MCF2L: variants seen among roughly 807,000 people sequenced by gnomAD.
MCF2L encodes MCF.2 cell line derived transforming sequence like.
A neutral mutation model predicts 153.4 loss-of-function variants in MCF2L; 97 were observed. The ratio of observed to expected loss-of-function variants is 0.63; its 90% CI spans 0.54 to 0.75. The LOEUF is 0.75. Ranked by LOEUF, MCF2L falls within the 30% of genes least tolerant of loss-of-function variation. MCF2L has a pLI of 0.00. For synonymous variants in MCF2L, 659 were observed against 632.2 expected (o/e 1.04, Z -0.64); for missense variants, 1,347 against 1,495.2 (o/e 0.90, Z 1.64).
At chr13:113,049,290 C>T (rs895155130) in intron 4 of MCF2L, among the ~76,000 whole-genome samples, 1 of 150,960 alleles carries the variant, frequency 6.6e-6, no homozygotes. Context: ...GTGGACCCAG[C>T]CAAGCCTAGG....
In MCF2L at chr13:113,075,102, G is replaced by A. The variant is rs763703403; in HGVS notation, c.1221G>A (p.Arg407=). 2 of 1,613,656 alleles carry A rather than the reference G, an allele frequency of 1.2e-6. No individual in the cohort carries two copies. The highest frequency in any genetic ancestry group is 1.1e-5 in the South Asian group (1 of 91,088). ...DSIRPKCQEL[R]HLCDQFSAEI... is the part of the protein sequence containing the mutation. ...TCCGCCCAAAGTGCCAGGAGCTCCG[G>A]CACCTCTGTGACCAGTTCTCTGCGG... The change falls in exon 11 of 30, where the codon CGG becomes CGA. Residue 407 remains arginine (R), a synonymous_variant. Transcript: ENST00000535094.
chr13:113,077,175 C>T lies in MCF2L; in HGVS notation c.1624C>T (p.Pro542Ser). The T allele has an allele frequency of 1.2e-6, 2 of 1,606,252 alleles. No individual in the cohort carries two copies. Among genetic ancestry groups the T allele is most frequent in the Admixed American group, 1.7e-5 (1 of 59,322 alleles). ...GCCCGTGCAGCCGGTGGCCCCCAGA[C>T]CCGAGGCACTGGCAAAGTCGCCCTG... ...TRPVQPVAPR[P>S]EALAKSPCPS... Residue 542 changes from proline (P) to serine (S), a missense_variant, in exon 13 of 30, where the codon CCC becomes TCC. Pro to Ser is a moderately conservative substitution (Grantham distance 74, BLOSUM62 -1). This residue lies in a region of MCF2L where 820 missense variants were observed against 921.2 expected (regional missense o/e 0.89). Coordinates refer to ENST00000535094, the MANE Select transcript of MCF2L (RefSeq NM_001112732.3).
chr13:113,078,715 A>C lies in MCF2L; in HGVS notation c.1784A>C (p.Glu595Ala). 1 of 1,608,148 alleles carries C rather than the reference A, an allele frequency of 6.2e-7. No individual in the cohort carries two copies. The highest frequency in any genetic ancestry group is 1.1e-5 in the South Asian group (1 of 90,492). ...RQGRGSAGEE[E>A]ESLAILRRHV... ...GGCCGCGGCTCAGCGGGGGAGGAGG[A>C]GGAAAGCCTGGCCATCCTGCGCAGG... The change falls in exon 15 of 30, where the codon GAG (glutamate) becomes GCG (alanine). Residue 595 changes from glutamate (E) to alanine (A), a missense_variant. Physicochemically the swap from Glu to Ala is moderately radical, Grantham distance 107. Transcript: ENST00000535094.
intron 2 of MCF2L, chr13:112,956,280 G>GA (rs921583973): frequency 6.6e-6 from 1 of 152,198 alleles, no homozygotes; most frequent in African/African-American, 2.4e-5. Flanking sequence ...GTTAAAAAAA[G>GA]AAAATGTTTC....
chr13:112,986,239 T>C (rs2082634451), intron 1 of MCF2L, among the ~76,000 whole-genome samples: 1 of 150,160 alleles, frequency 6.7e-6, no homozygotes, highest in Non-Finnish European at 1.5e-5. Flanking sequence ...CCGGATGCCA[T>C]GTGGCGCTTT....
intron 16 of MCF2L, among the ~76,000 whole-genome samples, chr13:113,081,805 G>T (rs2034161427): frequency 6.6e-6 from 1 of 151,822 alleles, no homozygotes; most frequent in Non-Finnish European, 1.5e-5. Flanking sequence ...AGTGTAGACG[G>T]GTGTCCGAAT....
At chr13:112,912,441 C>G (rs1170274589) in intron 2 of MCF2L, among the ~76,000 whole-genome samples, 1 of 152,114 alleles carries the variant, frequency 6.6e-6, no homozygotes, top group Admixed American at 6.5e-5. Context: ...CTCAGCCTCT[C>G]AAGTAGCTGG....
intron 2 of MCF2L, among the ~76,000 whole-genome samples, chr13:112,958,484 G>A (rs1279702805): frequency 6.6e-6 from 1 of 152,202 alleles, no homozygotes; most frequent in Non-Finnish European, 1.5e-5. Context: ...ACATCCACAC[G>A]ACACCCGCAC....
At chr13:113,083,957 C>T (rs534420524) in intron 17 of MCF2L, 41 bp from the exon 18 acceptor site, 19 of 1,441,814 alleles carry the variant, frequency 1.3e-5, no homozygotes, top group East Asian at 4.5e-5. Flanking sequence ...CCACGTGACT[C>T]GGCCTGTCTT....
rs986458130 is a variant in MCF2L, at chr13:112,975,605, C to T, written c.79+6147C>T. Among the ~76,000 whole-genome samples the T allele has an allele frequency of 2.6e-5, 4 of 152,226 alleles. No individual in the cohort carries two copies. In the East Asian group the frequency reaches 5.8e-4, roughly 22 times the overall value. On this transcript the variant is annotated intron_variant, in intron 1 of 29. Coordinates refer to ENST00000535094, the MANE Select transcript of MCF2L (RefSeq NM_001112732.3). ...CACATGGTCAGTGCCGGCGGGTACCCGCCATGAGCACCTGTGCACAGCAGG... is the reference window on the plus strand; with the variant it reads ...CACATGGTCAGTGCCGGCGGGTACCTGCCATGAGCACCTGTGCACAGCAGG...
chr13:113,094,526 C>T lies in MCF2L; in HGVS notation c.2966C>T (p.Thr989Met), dbSNP rs369396614. The change falls in exon 27 of 30, where the codon ACG becomes ATG. Residue 989 changes from threonine (T) to methionine (M), a missense_variant. Coordinates refer to ENST00000535094, the MANE Select transcript of MCF2L (RefSeq NM_001112732.3). ...PPEKGKGWSKTSHSLEAPEDD... is the reference protein window; with the variant it reads ...PPEKGKGWSKMSHSLEAPEDD... Reference sequence around the variant, plus strand: ...CTGTCTCTCTTAGGTTGGAGCAAAACGTCCCACTCACTGGAGGCACCTGAG... The same window carrying T: ...CTGTCTCTCTTAGGTTGGAGCAAAATGTCCCACTCACTGGAGGCACCTGAG... 5.0e-6 allele frequency: 8 copies of T among 1,611,436 alleles called. No homozygotes were observed. The highest frequency in any genetic ancestry group is 2.2e-5 in the East Asian group (1 of 44,874).
chr13:113,090,783 T>A, intron 26 of MCF2L: 1 of 985,466 alleles, frequency 1.0e-6, no homozygotes, highest in Non-Finnish European at 1.2e-6. Flanking sequence ...AAAATGCTTT[T>A]AAGTTGGCCT....
intron 1 of MCF2L, chr13:112,979,774 G>A (rs1288859131): frequency 6.8e-6 from 11 of 1,606,642 alleles, no homozygotes; most frequent in Non-Finnish European, 9.3e-6. Context: ...ATACAATGGG[G>A]TCGCAGGGCA....
intron 4 of MCF2L, among the ~76,000 whole-genome samples, chr13:113,047,723 T>A (rs917485770): frequency 3.3e-5 from 5 of 152,250 alleles, no homozygotes; most frequent in Non-Finnish European, 5.9e-5. Flanking sequence ...TTCACACACC[T>A]GCCACAGCCC....
At position 113,007,938 on chromosome 13, in the gene MCF2L, A is replaced by C. The variant is rs1397836452; in HGVS notation, c.80-6825A>C. Among the ~76,000 whole-genome samples, 4 of 120,086 alleles carry C rather than the reference A, an allele frequency of 3.3e-5. No individual in the cohort carries two copies. The East Asian group carries it at 9.7e-4, about 29-fold the overall frequency. The allele number at this position is 120,086 out of a possible 152,430, so 78.8% of individuals were successfully genotyped here. On this transcript the variant is annotated intron_variant, in intron 1 of 29. Coordinates refer to ENST00000535094, the MANE Select transcript of MCF2L (RefSeq NM_001112732.3). ...TTTCTTTTTTTTTTTTTTTTTTGAG[A>C]TGGAGTCTCGCTCTGTCACCCAGGC...
intron 1 of MCF2L, among the ~76,000 whole-genome samples, chr13:112,984,684 G>A (rs1016528747): frequency 1.1e-4 from 16 of 152,276 alleles, no homozygotes; most frequent in East Asian, 1.9e-4. Flanking sequence ...TCCTAGTAGC[G>A]CGTGCAAAAA....
At chr13:112,914,471 G>A (rs183679239) in intron 2 of MCF2L, among the ~76,000 whole-genome samples, 50 of 152,356 alleles carry the variant, frequency 3.3e-4, no homozygotes, top group African/African-American at 1.1e-3. Flanking sequence ...GCCCTTCAGC[G>A]TGTGTACTGG....
rs2081603906 is a variant in MCF2L, at chr13:112,943,871, C to T, written c.169+41500C>T. On this transcript the variant is annotated intron_variant, in intron 2 of 29. Coordinates refer to the MCF2L transcript ENST00000375608. This position sits in a 1 kb window ranked among gnomAD's most constrained non-coding sequence, Gnocchi z 4.2. Reference sequence around the variant, plus strand: ...CTCGGTGGCAGCGGGGACAGCGCGGCCCCGAGAACTGAGAACTGAGAGGGA... The same window carrying T: ...CTCGGTGGCAGCGGGGACAGCGCGGTCCCGAGAACTGAGAACTGAGAGGGA... Among the ~76,000 whole-genome samples the T allele has an allele frequency of 1.3e-5, 2 of 151,774 alleles. No individual in the cohort carries two copies. Among genetic ancestry groups the T allele is most frequent in the African/African-American group, 4.8e-5 (2 of 41,300 alleles).
intron 1 of MCF2L, among the ~76,000 whole-genome samples, chr13:113,000,007 C>T (rs1156617635): frequency 7.5e-6 from 1 of 133,864 alleles, no homozygotes; most frequent in African/African-American, 2.6e-5. Flanking sequence ...GGAATGAAGA[C>T]GCCGGCAGGC....
Sources: gnomAD v4.1 joint callset for allele counts (sites outside exome capture counted in the v4.1 genomes callset) on GRCh38, gnomAD v4.1.1 for gene constraint, gnomAD v4.1.1 regional missense constraint, Gnocchi (gnomAD v3.1) non-coding constraint, MANE v1.5 for transcripts, NCBI Gene and HGNC (gene_info 2026-07-23, HGNC 2026-07-21) for gene names.